ACOXL: variants seen among roughly 807,000 people sequenced by gnomAD.
The protein encoded by ACOXL is acyl-CoA oxidase like, also known as acyl-coenzyme A oxidase-like protein.
ACOXL carries 70 observed loss-of-function variants against 71.9 expected under a neutral mutation model. The observed-to-expected ratio is 0.97, with a 90% confidence interval of 0.80 to 1.19. The LOEUF is 1.19. ACOXL is among the 50% of genes most tolerant of loss of function. The probability of loss-of-function intolerance (pLI) is 0.00; values close to 1 mark genes in which losing one functional copy is unlikely to be tolerated. For missense variants in ACOXL, 703 were observed against 736.3 expected (o/e 0.95, Z 0.52); for synonymous variants, 253 against 281.6 (o/e 0.90, Z 1.02).
chr2:110,773,587 C>T (rs1323309137), intron 2 of ACOXL, among the ~76,000 whole-genome samples: 2 of 152,314 alleles, frequency 1.3e-5, no homozygotes, highest in Non-Finnish European at 2.9e-5. Context: ...TCCTGACCGA[C>T]GGACAGACTC....
rs773505854 is a variant in ACOXL at position 110,987,624 on chromosome 2, T to C, written c.1169+407T>C. Among the ~76,000 whole-genome samples the C allele has an allele frequency of 2.7e-4, 41 of 152,154 alleles. 1 individual carries two copies. Among genetic ancestry groups the C allele is most frequent in the Non-Finnish European group, 5.4e-4 (37 of 68,030 alleles). Reference sequence around the variant, plus strand: ...ACAGTCTGGCTTCAACATCCATGCTTTTGGTTGTTTGTATTAATCTTTCAG... The same window carrying C: ...ACAGTCTGGCTTCAACATCCATGCTCTTGGTTGTTTGTATTAATCTTTCAG... On this transcript the variant is annotated intron_variant, in intron 13 of 17. Coordinates refer to ENST00000439055, the MANE Select transcript of ACOXL (RefSeq NM_001142807.4).
At chr2:110,985,764 G>T (rs1240477488) in intron 12 of ACOXL, among the ~76,000 whole-genome samples, 1 of 152,172 alleles carries the variant, frequency 6.6e-6, no homozygotes, top group African/African-American at 2.4e-5. Context: ...TAAGTTCAGG[G>T]CTCTTAACTG....
intron 9 of ACOXL, among the ~76,000 whole-genome samples, chr2:110,818,423 ATGTGTGTGTGTGTG>A (rs766770172): frequency 2.2e-5 from 3 of 137,694 alleles, no homozygotes; most frequent in South Asian, 2.3e-4. Flanking sequence ...ATATATATAT[ATGTGTGTGTGTGTG>A]TGTGTGTGTG....
At chr2:110,806,688 A>G (rs983945117) in intron 9 of ACOXL, among the ~76,000 whole-genome samples, 4 of 152,220 alleles carry the variant, frequency 2.6e-5, no homozygotes, top group Non-Finnish European at 5.9e-5. Context: ...CCTGCAGACC[A>G]TCCTGACTCA....
At position 110,947,309 on chromosome 2, in the gene ACOXL, A is replaced by G. The variant is rs553880770; in HGVS notation, c.1059+13667A>G. 1.8e-4 allele frequency among the ~76,000 whole-genome samples: 27 copies of G among 152,254 alleles called. No homozygotes were observed. The South Asian group carries it at 4.4e-3, about 25-fold the overall frequency. On this transcript the variant is annotated intron_variant, in intron 12 of 17. Coordinates refer to ENST00000439055, the MANE Select transcript of ACOXL (RefSeq NM_001142807.4). ...AAGCAAACCTAGATTGAATTTCTAAAATCCTGAGAGAATAATAGGGGAAAC... is the reference window on the plus strand; with the variant it reads ...AAGCAAACCTAGATTGAATTTCTAAGATCCTGAGAGAATAATAGGGGAAAC...
At position 110,769,226 on chromosome 2, in the gene ACOXL, A is replaced by AAAAGAAAG. The variant is rs10599265; in HGVS notation, c.75+794_75+801dup. Among the ~76,000 whole-genome samples, 1,063 of 148,714 alleles carry AAAAGAAAG rather than the reference A, an allele frequency of 7.1e-3. 7 individuals are homozygous for AAAAGAAAG. Among genetic ancestry groups the AAAAGAAAG allele is most frequent in the East Asian group, 0.017 (88 of 5,040 alleles). On this transcript the variant is annotated intron_variant, in intron 2 of 17. Coordinates refer to ENST00000439055, the MANE Select transcript of ACOXL (RefSeq NM_001142807.4). ...ATTTTAGTCAATTTAGCCTCATGAA[A>AAAAGAAAG]AAAGAAAGAAAGAAAGAAAGAAAGA...
intron 15 of ACOXL, among the ~76,000 whole-genome samples, chr2:111,037,785 C>T (rs1037350846): frequency 6.6e-6 from 1 of 152,164 alleles, no homozygotes; most frequent in South Asian, 2.1e-4. Flanking sequence ...CAGCTTTCCC[C>T]AGACAGACAG....
chr2:111,027,566 C>G (rs59554295), intron 14 of ACOXL, among the ~76,000 whole-genome samples: 22,489 of 152,110 alleles, frequency 0.15, 1,762 homozygotes, highest in Middle Eastern at 0.23. Context: ...GTGATCTGCC[C>G]ACCTCAGCCT....
chr2:110,853,438 G>C (rs1692859234), intron 10 of ACOXL, among the ~76,000 whole-genome samples: 2 of 152,210 alleles, frequency 1.3e-5, no homozygotes, highest in South Asian at 4.1e-4. Context: ...CATGTGCTCA[G>C]TTGGCATAGG....
At chr2:110,800,587 A>G (rs1482139847) in intron 7 of ACOXL, among the ~76,000 whole-genome samples, 2 of 151,826 alleles carry the variant, frequency 1.3e-5, no homozygotes, top group Non-Finnish European at 2.9e-5. Flanking sequence ...TGTATGCTCC[A>G]GTGACCACTC....
intron 12 of ACOXL, among the ~76,000 whole-genome samples, chr2:110,936,380 C>T (rs1018924001): frequency 6.6e-5 from 10 of 152,292 alleles, no homozygotes; most frequent in African/African-American, 2.4e-4. Flanking sequence ...ATCCTCCTTC[C>T]TCAGCCTCCC....
At chr2:110,845,358 C>T (rs1691694802) in intron 10 of ACOXL, among the ~76,000 whole-genome samples, 1 of 152,132 alleles carries the variant, frequency 6.6e-6, no homozygotes, top group Non-Finnish European at 1.5e-5. Context: ...GCTTAATCAC[C>T]TTTTAAAGGC....
At chr2:110,766,188 G>A (rs2104958494) in intron 1 of ACOXL, among the ~76,000 whole-genome samples, 1 of 152,244 alleles carries the variant, frequency 6.6e-6, no homozygotes, top group East Asian at 1.9e-4. Flanking sequence ...GATGTTCCTT[G>A]TTGCTGTGAT....
At chr2:111,044,723 G>T (rs775072424) in intron 15 of ACOXL, among the ~76,000 whole-genome samples, 10 of 152,152 alleles carry the variant, frequency 6.6e-5, no homozygotes, top group Non-Finnish European at 1.5e-4. Context: ...TATTCTAGGT[G>T]CAACCATTTC....
chr2:110,801,482 G>A (rs979504978), intron 7 of ACOXL, among the ~76,000 whole-genome samples, 170 bp from the exon 8 acceptor site: 1 of 152,182 alleles, frequency 6.6e-6, no homozygotes, highest in African/African-American at 2.4e-5. Flanking sequence ...AACAGGCACA[G>A]CTCATCAAGG....
intron 8 of ACOXL, among the ~76,000 whole-genome samples, chr2:110,804,234 A>T (rs1185712723): frequency 6.6e-6 from 1 of 151,908 alleles, no homozygotes; most frequent in Non-Finnish European, 1.5e-5. Flanking sequence ...TGATCCTCCC[A>T]CCTCAGCCTC....
At chr2:110,757,412 AC>A (rs1414851080) in intron 1 of ACOXL, among the ~76,000 whole-genome samples, 4 of 152,176 alleles carry the variant, frequency 2.6e-5, no homozygotes, top group African/African-American at 9.7e-5. Flanking sequence ...TTGGGTATAT[AC>A]CCAGTATTGG....
intron 10 of ACOXL, among the ~76,000 whole-genome samples, chr2:110,891,348 C>G (rs1032722200): frequency 5.9e-5 from 9 of 152,062 alleles, no homozygotes; most frequent in African/African-American, 2.2e-4. Context: ...TTCACCTCAT[C>G]TCTTATGGTT....
chr2:110,878,104 C>T (rs1696152984), intron 10 of ACOXL, among the ~76,000 whole-genome samples: 1 of 152,186 alleles, frequency 6.6e-6, no homozygotes, highest in Non-Finnish European at 1.5e-5. Flanking sequence ...ACAGGCCTTT[C>T]CTGAGTCTGT....
Sources: allele counts gnomAD v4.1 joint callset (sites outside exome capture counted in the v4.1 genomes callset), GRCh38; gene constraint gnomAD v4.1.1; transcripts MANE v1.5; gene names NCBI Gene and HGNC (gene_info 2026-07-23, HGNC 2026-07-21).